The following PLCB3 variants were observed in gnomAD, a reference collection of about 807,000 sequenced individuals.
PLCB3 encodes phospholipase C beta 3, also known as 1-phosphatidylinositol 4,5-bisphosphate phosphodiesterase beta-3.
Under a neutral mutation model 152.1 loss-of-function variants are expected in PLCB3, and 54 were observed. The ratio of observed to expected loss-of-function variants is 0.36; its 90% CI spans 0.29 to 0.45. The LOEUF is 0.45. Among genes scored for constraint, PLCB3 ranks in the 20% least tolerant of loss-of-function variants. The probability of loss-of-function intolerance (pLI) is 1.00; values close to 1 mark genes in which losing one functional copy is unlikely to be tolerated. For missense variants in PLCB3, 1,248 were observed against 1,687.5 expected (o/e 0.74, Z 4.56); for synonymous variants, 717 against 698.7 (o/e 1.03, Z -0.41).
intron 1 of PLCB3, among the ~76,000 whole-genome samples, chr11:64,253,226 C>T (rs1364698622): frequency 1.3e-5 from 2 of 152,210 alleles, no homozygotes; most frequent in African/African-American, 2.4e-5. Flanking sequence ...TGGCAGAAGT[C>T]TCCGCTCCCT....
rs547726463 is a variant in PLCB3 at position 64,258,047 on chromosome 11, G to A, written c.1013-426G>A. On this transcript the variant is annotated intron_variant, in intron 10 of 30. Transcript: ENST00000279230. This position sits in a 1 kb window ranked among gnomAD's most constrained non-coding sequence, Gnocchi z 7.2. ...TGGGCAACTGTAATCCCAGCTACTC[G>A]GGAGGCTGAGGCAGGAGAATCGCTT... is the stretch of plus-strand genomic sequence containing the variant. Among the ~76,000 whole-genome samples, 4 of 152,088 alleles carry A rather than the reference G, an allele frequency of 2.6e-5. No homozygotes were observed. Among genetic ancestry groups the A allele is most frequent in the Non-Finnish European group, 4.4e-5 (3 of 67,978 alleles).
intron 16 of PLCB3, 91 bp from the exon 17 acceptor site, chr11:64,261,861 T>TG (rs2135057759): frequency 1.3e-6 from 2 of 1,560,298 alleles, no homozygotes; most frequent in Non-Finnish European, 1.8e-6. Flanking sequence ...AGGCCGGGTG[T>TG]GGGGGTCACA....
At chr11:64,259,948 A>G in intron 13 of PLCB3, 81 bp from the exon 14 acceptor site, 1 of 1,197,652 alleles carries the variant, frequency 8.3e-7, no homozygotes, top group Admixed American at 2.1e-5. Context: ...TCACCTCGGC[A>G]CACACTGGGA....
rs189932967 is a variant in PLCB3 at position 64,253,582 on chromosome 11, C to T, written c.100-833C>T. ...AGAACCTGGAATAGGAGGGTTCTAC[C>T]TGTAGCCACTTGTTCACTCTGGCCC... On this transcript the variant is annotated intron_variant, in intron 1 of 30. Coordinates refer to ENST00000279230, the MANE Select transcript of PLCB3 (RefSeq NM_000932.5). Among the ~76,000 whole-genome samples, 46 of 152,326 alleles carry T rather than the reference C, an allele frequency of 3.0e-4. No individual in the cohort carries two copies. The South Asian group carries it at 3.3e-3, about 11-fold the overall frequency.
chr11:64,253,209 G>A (rs1032609531), intron 1 of PLCB3, among the ~76,000 whole-genome samples: 4 of 152,206 alleles, frequency 2.6e-5, no homozygotes, highest in Admixed American at 2.0e-4. Context: ...GCCAGGAGCC[G>A]GGAGCCTGGC....
chr11:64,261,042 G>T (rs2018768), intron 14 of PLCB3, among the ~76,000 whole-genome samples: 1 of 152,160 alleles, frequency 6.6e-6, no homozygotes, highest in Non-Finnish European at 1.5e-5. Context: ...GGTGGCTCAT[G>T]CCTGTAATCC....
chr11:64,257,643 T>TA (rs1285261140), intron 10 of PLCB3, among the ~76,000 whole-genome samples: 1 of 150,594 alleles, frequency 6.6e-6, no homozygotes, highest in African/African-American at 2.4e-5. Context: ...AAATAAATAA[T>TA]AAAAAAGCAG....
rs1591101534 is a variant in PLCB3 at position 64,255,612 on chromosome 11, A to G, written c.593A>G (p.Asn198Ser). The G allele has an allele frequency of 8.5e-6, 5 of 585,444 alleles. No individual in the cohort carries two copies. The highest frequency in any genetic ancestry group is 1.6e-5 in the Non-Finnish European group (5 of 314,538). 36.3% of individuals were successfully genotyped at this position (585,444 alleles called of 1,614,324 possible). The change falls in exon 7 of 31, where the codon AAC (asparagine) becomes AGC (serine). Residue 198 changes from asparagine (N) to serine (S), a missense_variant. Asn to Ser is a conservative substitution (Grantham distance 46, BLOSUM62 1). Coordinates refer to ENST00000279230, the MANE Select transcript of PLCB3 (RefSeq NM_000932.5). The surrounding 1 kb of genome is among the most constrained non-coding windows in gnomAD (Gnocchi z 6.8). ...TALESCGLKF[N>S]RSESIRPDEF... is the part of the protein sequence containing the mutation. ...CTGGAATCCTGTGGCCTCAAATTCA[A>G]CCGGGTGTGTGGGGTGGGGACAGGG...
rs751515672 is a variant in PLCB3 at position 64,256,761 on chromosome 11, A to G, written c.1009A>G (p.Thr337Ala). 6 of 1,594,198 alleles carry G rather than the reference A, an allele frequency of 3.8e-6. No homozygotes were observed. ...FINSSHNTYL[T>A]AGQLAGTSSV... is the part of the protein sequence containing the mutation. ...CAACTCCTCGCATAACACCTATCTC[A>G]CTGGTGAGTGGGGAGCAAGGGTGGC... Residue 337 changes from threonine to alanine, a missense_variant, in exon 10 of 31, where the codon ACT becomes GCT. Transcript: ENST00000279230.
Position 64,261,502 on chromosome 11 carries a change from TG to T in PLCB3, c.1828+11del. The T allele has an allele frequency of 6.2e-7, 1 of 1,613,002 alleles. No homozygotes were observed. The highest frequency in any genetic ancestry group is 8.5e-7 in the Non-Finnish European group (1 of 1,179,074). On this transcript the variant is annotated splice_region_variant and intron_variant, in intron 15 of 30. Transcript: ENST00000279230. ...GTCCTTTGAGGCTGCTCGAAGTGAG[TG>T]GGGGTGGGTGGCAGGCATGGGAGCT...
At chr11:64,259,509 G>C (rs28395879) in intron 13 of PLCB3, among the ~76,000 whole-genome samples, 1 of 151,956 alleles carries the variant, frequency 6.6e-6, no homozygotes, top group Non-Finnish European at 1.5e-5. Flanking sequence ...CCCACAACCC[G>C]GTGATGGCTC....
Position 64,265,381 on chromosome 11 carries a change from C to G in PLCB3, c.2914C>G (p.Arg972Gly), listed in dbSNP as rs2032066356. The change falls in exon 25 of 31, where the codon CGA (arginine) becomes GGA (glycine). Residue 972 changes from arginine (R) to glycine (G), a missense_variant. Arg to Gly is a moderately radical substitution (Grantham distance 125). This residue lies in a region of PLCB3 where 477 missense variants were observed against 489.6 expected (regional missense o/e 0.97). Transcript: ENST00000279230. ...GGTCAAGCTCCGGAGCCGGCAAGAG[C>G]GAGACCTGCGGGAGCTGCGCAAGAA... is the stretch of plus-strand genomic sequence containing the variant. ...ALVKLRSRQERDLRELRKKHQ... is the reference protein window; with the variant it reads ...ALVKLRSRQEGDLRELRKKHQ... 3 of 1,612,258 alleles carry G rather than the reference C, an allele frequency of 1.9e-6. No homozygotes were observed. The highest frequency in any genetic ancestry group is 2.5e-6 in the Non-Finnish European group (3 of 1,179,684).
chr11:64,266,548 G>A lies in PLCB3; in HGVS notation c.3410G>A (p.Arg1137His). 1.2e-6 allele frequency: 2 copies of A among 1,613,758 alleles called. No homozygotes were observed. The highest frequency in any genetic ancestry group is 1.1e-5 in the South Asian group (1 of 91,060). The part of the protein sequence containing the change: ...RHITESVNSI[R>H]RLEEAQKQRH... ...ATCACTGAGTCAGTCAACTCCATCCGTCGGGTGAGTCAGGCTCCCGGGCCA... is the reference window on the plus strand; with the variant it reads ...ATCACTGAGTCAGTCAACTCCATCCATCGGGTGAGTCAGGCTCCCGGGCCA... The change falls in exon 29 of 31, where the codon CGT becomes CAT. Residue 1137 changes from arginine to histidine, a missense_variant. By Grantham distance (29) the Arg-to-His change is conservative. This residue lies in a region of PLCB3 where 477 missense variants were observed against 489.6 expected (regional missense o/e 0.97). Transcript: ENST00000279230. This position sits in a 1 kb window ranked among gnomAD's most constrained non-coding sequence, Gnocchi z 4.9.
intron 17 of PLCB3, 21 bp from the exon 18 acceptor site, chr11:64,262,386 G>C (rs753679194): frequency 6.2e-7 from 1 of 1,607,646 alleles, no homozygotes; most frequent in Admixed American, 1.7e-5. Flanking sequence ...GCCCCTGCTC[G>C]ACGTGCCCGT....
chr11:64,260,495 C>T (rs2031792640), intron 14 of PLCB3, among the ~76,000 whole-genome samples: 2 of 151,692 alleles, frequency 1.3e-5, no homozygotes, highest in African/African-American at 4.9e-5. Flanking sequence ...GGAGGTGGGG[C>T]AGGGAGACCT....
intron 16 of PLCB3, 108 bp downstream of exon 16, chr11:64,261,773 G>C: frequency 7.1e-7 from 1 of 1,408,286 alleles, no homozygotes; most frequent in South Asian, 1.2e-5. Context: ...CTGGCCCTCC[G>C]GCGGCCCTCC....
Position 64,258,784 on chromosome 11 carries a change from C to G in PLCB3, c.1253+71C>G. On this transcript the variant is annotated intron_variant, in intron 11 of 30. Coordinates refer to ENST00000279230, the MANE Select transcript of PLCB3 (RefSeq NM_000932.5). The surrounding 1 kb of genome is among the most constrained non-coding windows in gnomAD (Gnocchi z 7.2). ...TTCCAGCTTCAGTGCTGTTGGACTG[C>G]TCAGGGACCTCCAACCCTGCGAACG... 1 of 1,604,040 alleles carries G rather than the reference C, an allele frequency of 6.2e-7. No homozygotes were observed. The highest frequency in any genetic ancestry group is 2.2e-5 in the East Asian group (1 of 44,726).
Position 64,259,191 on chromosome 11 carries a change from A to G in PLCB3, c.1472A>G (p.Asn491Ser). 1 of 1,594,528 alleles carries G rather than the reference A, an allele frequency of 6.3e-7. No homozygotes were observed. The highest frequency in any genetic ancestry group is 8.5e-7 in the Non-Finnish European group (1 of 1,171,300). ...AGRKRPLEQSNSALSESSAAT... is the reference protein window; with the variant it reads ...AGRKRPLEQSSSALSESSAAT... The stretch of plus-strand genomic sequence containing the variant: ...CGCAAGCGGCCCCTGGAGCAGAGCA[A>G]TTCTGCCCTGAGCGAGAGCTCCGCG... The change falls in exon 13 of 31, where the codon AAT becomes AGT. Residue 491 changes from asparagine to serine, a missense_variant. Asn to Ser is a conservative substitution (Grantham distance 46). Around this residue, in one of 6 missense-constraint regions of PLCB3, gnomAD observed 105 missense variants for 100.9 expected, o/e 1.04. Coordinates refer to ENST00000279230, the MANE Select transcript of PLCB3 (RefSeq NM_000932.5).
In PLCB3 at chr11:64,258,991, G is replaced by T. The variant is rs373930834; in HGVS notation, c.1338+22G>T. 2.7e-5 allele frequency: 43 copies of T among 1,613,400 alleles called. No individual in the cohort carries two copies. Among genetic ancestry groups the T allele is most frequent in the South Asian group, 2.1e-4 (19 of 91,074 alleles). The stretch of plus-strand genomic sequence containing the variant: ...CCCGGTACGGGAGCTCGGAGCGAGG[G>T]GGGTGGCATGGGGGCCAGGGTGCTG... On this transcript the variant is annotated intron_variant, in intron 12 of 30. Coordinates refer to ENST00000279230, the MANE Select transcript of PLCB3 (RefSeq NM_000932.5). This position sits in a 1 kb window ranked among gnomAD's most constrained non-coding sequence, Gnocchi z 7.2.
Sources: allele counts gnomAD v4.1 joint callset (sites outside exome capture counted in the v4.1 genomes callset), GRCh38; gene constraint gnomAD v4.1.1; regional missense constraint gnomAD v4.1.1; non-coding constraint Gnocchi (gnomAD v3.1); transcripts MANE v1.5; gene names NCBI Gene and HGNC (gene_info 2026-07-23, HGNC 2026-07-21).